The following SH3GL3 variants were observed in gnomAD, a reference collection of about 807,000 sequenced individuals.
The protein encoded by SH3GL3 is endophilin-A3.
In SH3GL3, 33 loss-of-function variants were observed where a neutral mutation model predicts 47.7. The observed-to-expected ratio is 0.69, with a 90% confidence interval of 0.52 to 0.92. The LOEUF (loss-of-function observed/expected upper bound fraction) is 0.92, where lower values mean the gene tolerates loss of function less well. SH3GL3 is among the 40% of genes least tolerant of loss of function. SH3GL3 has a pLI of 0.00. For synonymous variants in SH3GL3, 155 were observed against 148.8 expected, an observed-to-expected ratio of 1.04 and a Z score of -0.30; for missense variants, 363 against 417.8, an observed-to-expected ratio of 0.87 and a Z score of 1.14.
chr15:83,564,913 A>G (rs1226750447), intron 2 of SH3GL3, among the ~76,000 whole-genome samples: 1 of 152,200 alleles, frequency 6.6e-6, no homozygotes, highest in African/African-American at 2.4e-5. Flanking sequence ...GTTTAAAGGG[A>G]AAGTAAAGTT....
intron 1 of SH3GL3, among the ~76,000 whole-genome samples, chr15:83,466,428 A>T (rs1233947336): frequency 2.6e-5 from 4 of 151,792 alleles, no homozygotes; most frequent in Non-Finnish European, 5.9e-5. Flanking sequence ...ATATATATAT[A>T]TGGGGAAAGG....
At chr15:83,462,965 G>C (rs1344058063) in intron 1 of SH3GL3, among the ~76,000 whole-genome samples, 1 of 152,108 alleles carries the variant, frequency 6.6e-6, no homozygotes, top group Non-Finnish European at 1.5e-5. Context: ...CTGAATACAG[G>C]CTGATCAATC....
intron 1 of SH3GL3, among the ~76,000 whole-genome samples, chr15:83,553,046 C>T (rs998794411): frequency 4.6e-5 from 7 of 152,064 alleles, no homozygotes; most frequent in African/African-American, 1.4e-4. Context: ...GCAGGAGGAT[C>T]GCTTGAACCT....
chr15:83,628,601 T>C, the SH3GL3 span, among the ~76,000 whole-genome samples: 1 of 151,894 alleles, frequency 6.6e-6, no homozygotes, highest in South Asian at 2.1e-4. Context: ...AAATCAGCTA[T>C]GAGTGGTGGC....
intron 8 of SH3GL3, among the ~76,000 whole-genome samples, chr15:83,596,731 G>A (rs895865107): frequency 6.6e-6 from 1 of 152,104 alleles, no homozygotes; most frequent in East Asian, 1.9e-4. Flanking sequence ...GGCCTCCAAA[G>A]TGCTAGGATT....
chr15:83,497,075 G>A (rs1405230040), intron 1 of SH3GL3, among the ~76,000 whole-genome samples: 1 of 152,086 alleles, frequency 6.6e-6, no homozygotes, highest in East Asian at 1.9e-4. Flanking sequence ...GCTATACAGG[G>A]TCTGCCAGGA....
chr15:83,600,099 G>A (rs1273610661), intron 8 of SH3GL3, among the ~76,000 whole-genome samples: 2 of 152,022 alleles, frequency 1.3e-5, no homozygotes, highest in East Asian at 1.9e-4. Context: ...TTAGTCCTTT[G>A]TCAGATGTAT....
intron 1 of SH3GL3, among the ~76,000 whole-genome samples, chr15:83,552,021 C>T (rs1043511159): frequency 1.3e-5 from 2 of 152,182 alleles, no homozygotes; most frequent in African/African-American, 2.4e-5. Context: ...GGCACCTTCT[C>T]ATTTATATAA....
rs115190320 is a variant in SH3GL3 at position 83,616,960 on chromosome 15, T to C, written c.839-1122T>C. 6.8e-3 allele frequency among the ~76,000 whole-genome samples: 1,040 copies of C among 152,286 alleles called. 7 individuals carry two copies. Among genetic ancestry groups the C allele is most frequent in the Admixed American group, 0.014 (221 of 15,304 alleles). On this transcript the variant is annotated intron_variant, in intron 8 of 8. Transcript: ENST00000427482. ...CTAGTCAGTAACTAAAATTGAAAGATATTCACCCTAGCTTGTACAAGAAGA... is the reference window on the plus strand; with the variant it reads ...CTAGTCAGTAACTAAAATTGAAAGACATTCACCCTAGCTTGTACAAGAAGA...
At chr15:83,610,227 G>T (rs2151843144) in intron 8 of SH3GL3, among the ~76,000 whole-genome samples, 1 of 152,326 alleles carries the variant, frequency 6.6e-6, no homozygotes, top group Admixed American at 6.5e-5. Context: ...CCATTGAATG[G>T]GATTGGCTCA....
chr15:83,572,592 C>G lies in SH3GL3; in HGVS notation c.359C>G (p.Ser120Cys), dbSNP rs754645507. The G allele has an allele frequency of 6.2e-7, 1 of 1,612,730 alleles. No homozygotes were observed. The highest frequency in any genetic ancestry group is 1.1e-5 in the South Asian group (1 of 90,882). ...AATGCATTGATAGAAGTTGGTGAATCCATGAAGCTAATGGCTGAGGTGAAA... is the reference window on the plus strand; with the variant it reads ...AATGCATTGATAGAAGTTGGTGAATGCATGAAGCTAATGGCTGAGGTGAAA... ...FGNALIEVGE[S>C]MKLMAEVKDS... The change falls in exon 5 of 9, where the codon TCC becomes TGC. Residue 120 changes from serine (S) to cysteine (C), a missense_variant. Coordinates refer to ENST00000427482, the MANE Select transcript of SH3GL3 (RefSeq NM_003027.5).
intron 1 of SH3GL3, among the ~76,000 whole-genome samples, chr15:83,498,337 A>G (rs927387650): frequency 6.6e-6 from 1 of 152,166 alleles, no homozygotes; most frequent in African/African-American, 2.4e-5. Context: ...AGCCTGGGCA[A>G]GTAATCCACT....
At chr15:83,464,343 A>AG (rs755413200) in intron 1 of SH3GL3, among the ~76,000 whole-genome samples, 33 of 152,288 alleles carry the variant, frequency 2.2e-4, no homozygotes, top group Non-Finnish European at 3.5e-4. Flanking sequence ...GGAATACCCC[A>AG]GGCCCTGGCT....
At chr15:83,581,494 C>T (rs143545721) in intron 6 of SH3GL3, among the ~76,000 whole-genome samples, 4 of 152,288 alleles carry the variant, frequency 2.6e-5, no homozygotes, top group South Asian at 2.1e-4. Flanking sequence ...GCAGAGAGAG[C>T]GGGTGCAGAG....
chr15:83,536,240 A>G (rs1189849307), intron 1 of SH3GL3, among the ~76,000 whole-genome samples: 1 of 152,108 alleles, frequency 6.6e-6, no homozygotes, highest in African/African-American at 2.4e-5. Flanking sequence ...GAGGACAGCA[A>G]GACTTTTTCT....
intron 1 of SH3GL3, among the ~76,000 whole-genome samples, chr15:83,510,876 AT>A (rs1331655532): frequency 6.6e-6 from 1 of 151,656 alleles, no homozygotes; most frequent in African/African-American, 2.4e-5. Flanking sequence ...GGGGTATGGC[AT>A]TCGGGCTTTC....
rs1221874000 is a variant in SH3GL3, at chr15:83,572,686, A to G, written c.453A>G (p.Leu151=). 6.2e-7 allele frequency: 1 copy of G among 1,609,276 alleles called. No individual in the cohort carries two copies. The highest frequency in any genetic ancestry group is 8.5e-7 in the Non-Finnish European group (1 of 1,176,010). The change falls in exon 5 of 9, where the codon TTA becomes TTG. Residue 151 remains leucine, a synonymous_variant. Coordinates refer to ENST00000427482, the MANE Select transcript of SH3GL3 (RefSeq NM_003027.5). ...DPLQLLQDKD[L]KEIGHHLKKL... ...TTCAGTTACTACAAGATAAAGATTT[A>G]AAAGAGATCGGGGTAAGTCTTCCAG...
rs551859623 is a variant in SH3GL3 at position 83,573,439 on chromosome 15, C to T, written c.465+741C>T. Among the ~76,000 whole-genome samples, 9 of 152,328 alleles carry T rather than the reference C, an allele frequency of 5.9e-5. No individual in the cohort carries two copies. The South Asian group carries it at 1.9e-3, about 32-fold the overall frequency. ...ACATCAGCATCACTTGTGAGAAATG[C>T]AAATTCTTGGGCCCCATCCCTTATC... On this transcript the variant is annotated intron_variant, in intron 5 of 8. Coordinates refer to ENST00000427482, the MANE Select transcript of SH3GL3 (RefSeq NM_003027.5).
At position 83,559,329 on chromosome 15, in the gene SH3GL3, C is replaced by T. The variant is rs747551703; in HGVS notation, c.114+8C>T. The T allele has an allele frequency of 2.1e-6, 3 of 1,457,996 alleles. No homozygotes were observed. Among genetic ancestry groups the T allele is most frequent in the South Asian group, 2.3e-5 (2 of 87,892 alleles). The allele number at this position is 1,457,996 out of a possible 1,614,324, so 90.3% of individuals were successfully genotyped here. A position where few individuals can be genotyped will look rare whatever the true frequency, so the allele number is the denominator to read the frequency against. On this transcript the variant is annotated splice_region_variant and intron_variant, in intron 2 of 8. Coordinates refer to ENST00000427482, the MANE Select transcript of SH3GL3 (RefSeq NM_003027.5). ...TTTCTTGACATGGAAAGGGTAAGAGCATTTTAATATGTAAATTGATTAGAA... is the reference window on the plus strand; with the variant it reads ...TTTCTTGACATGGAAAGGGTAAGAGTATTTTAATATGTAAATTGATTAGAA...
Sources: gnomAD v4.1 joint callset for allele counts (sites outside exome capture counted in the v4.1 genomes callset) on GRCh38, gnomAD v4.1.1 for gene constraint, MANE v1.5 for transcripts, NCBI Gene and HGNC (gene_info 2026-07-23, HGNC 2026-07-21) for gene names.